BMPR2: variants seen among roughly 807,000 people sequenced by gnomAD.
The protein encoded by BMPR2 is bone morphogenetic protein receptor type 2.
Under a neutral mutation model 100.8 loss-of-function variants are expected in BMPR2, and 29 were observed. The observed-to-expected ratio is 0.29, with a 90% CI of 0.21 to 0.39. BMPR2 has a LOEUF of 0.39. Among genes scored for constraint, BMPR2 ranks in the 10% least tolerant of loss-of-function variants. The pLI is 1.00. For missense variants in BMPR2, 1,011 were observed against 1,274.5 expected (o/e 0.79, Z 3.15); for synonymous variants, 382 against 442.3 (o/e 0.86, Z 1.71).
At chr2:202,557,939 A>C (rs1688610387) in intron 12 of BMPR2, among the ~76,000 whole-genome samples, 1 of 152,178 alleles carries the variant, frequency 6.6e-6, no homozygotes, top group Non-Finnish European at 1.5e-5. Flanking sequence ...TGCATATATT[A>C]ATATTGATTA....
intron 2 of BMPR2, among the ~76,000 whole-genome samples, chr2:202,467,259 G>A (rs1159506553): frequency 5.3e-5 from 8 of 151,946 alleles, no homozygotes; most frequent in East Asian, 3.9e-4. Context: ...GTGAAACTCC[G>A]CCTCAATAAA....
chr2:202,378,204 TAGG>T (rs1161472132), intron 1 of BMPR2, among the ~76,000 whole-genome samples: 2 of 152,226 alleles, frequency 1.3e-5, no homozygotes, highest in Non-Finnish European at 2.9e-5. Context: ...ATTAGACTTC[TAGG>T]AGATTTGACT....
chr2:202,461,417 G>C (rs1383873368), intron 1 of BMPR2, among the ~76,000 whole-genome samples: 2 of 152,150 alleles, frequency 1.3e-5, no homozygotes, highest in Non-Finnish European at 2.9e-5. Context: ...CCGGGAGACG[G>C]AGGTTGCAGT....
In BMPR2 at chr2:202,560,063, G is replaced by A; in HGVS notation, c.*117G>A. 7.9e-7 allele frequency: 1 copy of A among 1,271,420 alleles called. No individual in the cohort carries two copies. The highest frequency in any genetic ancestry group is 1.1e-6 in the Non-Finnish European group (1 of 917,206). The allele number at this position is 1,271,420 out of a possible 1,614,324, so 78.8% of individuals were successfully genotyped here. A position where few individuals can be genotyped will look rare whatever the true frequency, so the allele number is the denominator to read the frequency against. On this transcript the variant is annotated 3_prime_UTR_variant, in exon 13 of 13. Coordinates refer to ENST00000374580, the MANE Select transcript of BMPR2 (RefSeq NM_001204.7). ...CCTGTCAGCACCCCCTCCCACCCCT[G>A]CAACAAAGACTTGCTTTAAATAGAT...
chr2:202,521,266 G>C (rs1220173155), intron 7 of BMPR2, among the ~76,000 whole-genome samples: 1 of 152,192 alleles, frequency 6.6e-6, no homozygotes, highest in African/African-American at 2.4e-5. Flanking sequence ...TGCTACTTCA[G>C]TTGGAATATT....
rs1472685897 is a variant in BMPR2 at position 202,376,884 on chromosome 2, T to C, written c.-591T>C. On this transcript the variant is annotated 5_prime_UTR_variant, in exon 1 of 13. Coordinates refer to ENST00000374580, the MANE Select transcript of BMPR2 (RefSeq NM_001204.7). ...GAGCTTGTCCATGGAGGCAGGCACC[T>C]TTTTTGATCCAGTCAAGGAAGAGGA... The C allele has an allele frequency of 4.9e-6, 2 of 408,402 alleles. No individual in the cohort carries two copies. The highest frequency in any genetic ancestry group is 8.6e-6 in the Non-Finnish European group (2 of 233,028). The allele number at this position is 408,402 out of a possible 1,614,324, so 25.3% of individuals were successfully genotyped here. A position where few individuals can be genotyped will look rare whatever the true frequency, so the allele number is the denominator to read the frequency against.
At chr2:202,476,689 T>C (rs1692558589) in intron 3 of BMPR2, among the ~76,000 whole-genome samples, 1 of 151,988 alleles carries the variant, frequency 6.6e-6, no homozygotes. Flanking sequence ...CTTGGGAGGC[T>C]GAGGCAGGAG....
At position 202,556,343 on chromosome 2, in the gene BMPR2, G is replaced by A. The variant is rs751749720; in HGVS notation, c.2678G>A (p.Arg893Gln). 23 of 1,614,174 alleles carry A rather than the reference G, an allele frequency of 1.4e-5. No homozygotes were observed. The highest frequency in any genetic ancestry group is 4.5e-5 in the East Asian group (2 of 44,884). ...GATCGTCTTGTGGACAGGAGGGAAC[G>A]GCCACTAGAAGGTGGCCGAACTAAT... ...VLDRLVDRRE[R>Q]PLEGGRTNSN... The change falls in exon 12 of 13, where the codon CGG becomes CAG. Residue 893 changes from arginine (R) to glutamine (Q), a missense_variant. Transcript: ENST00000374580.
At position 202,504,252 on chromosome 2, in the gene BMPR2, T is replaced by G. The variant is rs967145291; in HGVS notation, c.419-9467T>G. On this transcript the variant is annotated intron_variant, in intron 3 of 12. Transcript: ENST00000374580. The stretch of plus-strand genomic sequence containing the variant: ...CACTGTGGAAGCTTTGTTCTTTAGC[T>G]CTTTGCAATAAATCTTGCTACTGCT... Among the ~76,000 whole-genome samples the G allele has an allele frequency of 2.0e-5, 3 of 152,226 alleles. No homozygotes were observed. The East Asian group carries it at 5.8e-4, about 29-fold the overall frequency.
At chr2:202,547,464 T>C (rs78074046) in intron 10 of BMPR2, among the ~76,000 whole-genome samples, 6,515 of 152,244 alleles carry the variant, frequency 0.043, 459 homozygotes, top group African/African-American at 0.15. Context: ...ATCAATGGTT[T>C]TATCCTAATA....
chr2:202,425,783 A>G (rs1025849074), intron 1 of BMPR2, among the ~76,000 whole-genome samples: 12 of 152,182 alleles, frequency 7.9e-5, no homozygotes, highest in African/African-American at 2.2e-4. Context: ...ACCTTGGTCT[A>G]AAAAAGAATT....
intron 1 of BMPR2, among the ~76,000 whole-genome samples, chr2:202,407,771 A>C (rs1690932139): frequency 1.3e-5 from 2 of 152,080 alleles, no homozygotes; most frequent in Non-Finnish European, 2.9e-5. Flanking sequence ...AAAAACAAAA[A>C]AAAAACTGTA....
chr2:202,459,025 A>G (rs1415654949), intron 1 of BMPR2, among the ~76,000 whole-genome samples: 2 of 152,182 alleles, frequency 1.3e-5, no homozygotes, highest in African/African-American at 4.8e-5. Context: ...AGTTGTTTTT[A>G]TACTGTCTCT....
chr2:202,409,314 T>C (rs1250430441), intron 1 of BMPR2, among the ~76,000 whole-genome samples: 1 of 152,154 alleles, frequency 6.6e-6, no homozygotes, highest in Non-Finnish European at 1.5e-5. Context: ...GCCACTTCAT[T>C]CCAGCCTTCA....
chr2:202,502,202 AC>A (rs1258877972), intron 3 of BMPR2, among the ~76,000 whole-genome samples: 1 of 152,214 alleles, frequency 6.6e-6, no homozygotes, highest in Admixed American at 6.5e-5. Flanking sequence ...CTCTGGGGGA[AC>A]CCCTATTAAA....
rs926928912 is a variant in BMPR2, at chr2:202,503,953, C to T, written c.419-9766C>T. ...ACACCAATCAGCACCCTGTGTCTAGCTCAGGGTTTGTGAATGCACCAGTAG... is the reference window on the plus strand; with the variant it reads ...ACACCAATCAGCACCCTGTGTCTAGTTCAGGGTTTGTGAATGCACCAGTAG... On this transcript the variant is annotated intron_variant, in intron 3 of 12. Transcript: ENST00000374580. This position sits in a 1 kb window ranked among gnomAD's most constrained non-coding sequence, Gnocchi z 4.0. Among the ~76,000 whole-genome samples, 17 of 152,184 alleles carry T rather than the reference C, an allele frequency of 1.1e-4. No homozygotes were observed. The highest frequency in any genetic ancestry group is 2.7e-4 in the African/African-American group (11 of 41,454).
intron 1 of BMPR2, among the ~76,000 whole-genome samples, chr2:202,402,678 T>A (rs1413415803): frequency 6.9e-6 from 1 of 145,024 alleles, no homozygotes; most frequent in Non-Finnish European, 1.5e-5. Flanking sequence ...GTGTGTGTAT[T>A]TTTTTTGAGA....
intron 3 of BMPR2, among the ~76,000 whole-genome samples, chr2:202,486,943 T>C (rs1057453738): frequency 3.9e-5 from 6 of 152,136 alleles, no homozygotes; most frequent in Admixed American, 3.3e-4. Flanking sequence ...GGTGGGAGGA[T>C]CACCTGAGCC....
chr2:202,487,817 T>C (rs1458369369), intron 3 of BMPR2, among the ~76,000 whole-genome samples: 2 of 152,188 alleles, frequency 1.3e-5, no homozygotes. Context: ...TGAAAACAGA[T>C]TGTTGGCCCC....
Sources: gnomAD v4.1 joint callset for allele counts (sites outside exome capture counted in the v4.1 genomes callset) on GRCh38, gnomAD v4.1.1 for gene constraint, Gnocchi (gnomAD v3.1) non-coding constraint, MANE v1.5 for transcripts, NCBI Gene and HGNC (gene_info 2026-07-23, HGNC 2026-07-21) for gene names.